Variants in AUTS2 observed in about 807,000 individuals in gnomAD.
AUTS2 encodes the protein autism susceptibility gene 2 protein.
A neutral mutation model predicts 112.4 loss-of-function variants in AUTS2; 17 were observed. The observed-to-expected ratio is 0.15, with a 90% CI of 0.10 to 0.23. AUTS2 has a LOEUF of 0.23. Among genes scored for constraint, AUTS2 ranks in the 10% least tolerant of loss-of-function variants. The pLI, the probability that AUTS2 is intolerant of heterozygous loss-of-function variation, is 1.00. For missense variants in AUTS2, 1,510 were observed against 1,701.6 expected (o/e 0.89, Z 1.98); for synonymous variants, 751 against 702.7 (o/e 1.07, Z -1.09).
intron 2 of AUTS2, among the ~76,000 whole-genome samples, chr7:70,072,155 T>G (rs1802802597): frequency 6.6e-6 from 1 of 152,224 alleles, no homozygotes; most frequent in Non-Finnish European, 1.5e-5. Context: ...TCTTTTCTTC[T>G]TTTCCTGTCT....
intron 12 of AUTS2, chr7:70,774,405 G>A: frequency 2.9e-6 from 1 of 342,318 alleles, no homozygotes; most frequent in Non-Finnish European, 5.3e-6. Flanking sequence ...TTCTCTGTCT[G>A]TATCTCCTTA....
At chr7:70,480,906 G>A (rs1260356620) in intron 5 of AUTS2, among the ~76,000 whole-genome samples, 1 of 152,218 alleles carries the variant, frequency 6.6e-6, no homozygotes, top group African/African-American at 2.4e-5. Context: ...CTCAGCTGGG[G>A]CAGGGAGTAG....
chr7:69,607,419 G>A (rs760944193), intron 1 of AUTS2, among the ~76,000 whole-genome samples: 1 of 152,074 alleles, frequency 6.6e-6, no homozygotes, highest in African/African-American at 2.4e-5. Context: ...AAAAGGTAAT[G>A]CATTTAGGAC....
intron 5 of AUTS2, among the ~76,000 whole-genome samples, chr7:70,646,968 A>G (rs76974091): frequency 6.6e-6 from 1 of 152,130 alleles, no homozygotes; most frequent in Non-Finnish European, 1.5e-5. Context: ...AGCAGTTTCA[A>G]ACTCAGGGCT....
chr7:69,730,018 T>TTTTG (rs2129228808), intron 1 of AUTS2, among the ~76,000 whole-genome samples: 1 of 146,136 alleles, frequency 6.8e-6, no homozygotes, highest in South Asian at 2.2e-4. Context: ...TTTTTTTTTT[T>TTTTG]TAGAAACTAG....
intron 1 of AUTS2, among the ~76,000 whole-genome samples, chr7:69,667,114 G>A (rs1425978635): frequency 6.6e-6 from 1 of 152,104 alleles, no homozygotes; most frequent in Non-Finnish European, 1.5e-5. Flanking sequence ...GTGGCACAGG[G>A]CATCATGTGC....
At chr7:70,455,581 G>T (rs910828716) in intron 5 of AUTS2, among the ~76,000 whole-genome samples, 1 of 152,156 alleles carries the variant, frequency 6.6e-6, no homozygotes, top group Non-Finnish European at 1.5e-5. Context: ...CACTCAGAGT[G>T]CTGTGCTCAG....
intron 1 of AUTS2, among the ~76,000 whole-genome samples, chr7:69,672,616 A>C (rs1796386766): frequency 6.6e-6 from 1 of 152,218 alleles, no homozygotes. Context: ...CGAGGAGAGG[A>C]TAAGCTACCT....
At chr7:70,209,285 T>G (rs1810734162) in intron 4 of AUTS2, among the ~76,000 whole-genome samples, 1 of 152,160 alleles carries the variant, frequency 6.6e-6, no homozygotes. Context: ...ATATCATGTG[T>G]AGGCATAGGG....
intron 1 of AUTS2, among the ~76,000 whole-genome samples, chr7:69,625,340 C>G: frequency 6.6e-6 from 1 of 152,138 alleles, no homozygotes; most frequent in East Asian, 1.9e-4. Context: ...AAGTTTCTTT[C>G]AAATGGCAGT....
intron 5 of AUTS2, among the ~76,000 whole-genome samples, chr7:70,572,252 G>A (rs1206669940): frequency 2.0e-5 from 3 of 152,246 alleles, no homozygotes; most frequent in East Asian, 1.9e-4. Flanking sequence ...AGATGCAGAC[G>A]AGGTGGGAGG....
intron 4 of AUTS2, among the ~76,000 whole-genome samples, chr7:70,234,237 C>A (rs1212679187): frequency 6.6e-6 from 1 of 151,834 alleles, no homozygotes; most frequent in Non-Finnish European, 1.5e-5. Context: ...TTATTTAGAC[C>A]CCAGTATGGA....
At chr7:69,910,690 G>A (rs369061206) in intron 2 of AUTS2, among the ~76,000 whole-genome samples, 1 of 152,106 alleles carries the variant, frequency 6.6e-6, no homozygotes, top group African/African-American at 2.4e-5. Flanking sequence ...GTGTAGTGGT[G>A]TGATCTCAGC....
chr7:69,724,597 T>C (rs775609487), intron 1 of AUTS2, among the ~76,000 whole-genome samples: 10 of 152,196 alleles, frequency 6.6e-5, no homozygotes, highest in Non-Finnish European at 1.5e-4. Flanking sequence ...GGTTACAGAA[T>C]TGGTTAACTT....
chr7:70,555,777 T>G (rs577006491), intron 5 of AUTS2, among the ~76,000 whole-genome samples: 24 of 151,692 alleles, frequency 1.6e-4, no homozygotes, highest in African/African-American at 5.6e-4. Context: ...CACTGGTATC[T>G]GCTTGGCTTC....
At chr7:70,590,744 T>G (rs1168019402) in intron 5 of AUTS2, among the ~76,000 whole-genome samples, 1 of 152,162 alleles carries the variant, frequency 6.6e-6, no homozygotes, top group Non-Finnish European at 1.5e-5. Flanking sequence ...ACAGTCTGAG[T>G]TGTCAACAAA....
At chr7:69,634,549 A>G (rs910498711) in intron 1 of AUTS2, among the ~76,000 whole-genome samples, 3 of 152,222 alleles carry the variant, frequency 2.0e-5, no homozygotes, top group African/African-American at 7.2e-5. Context: ...GTGGCTGTCA[A>G]CAGTTATCTT....
At chr7:69,769,184 T>G (rs1788556461) in intron 1 of AUTS2, among the ~76,000 whole-genome samples, 1 of 152,240 alleles carries the variant, frequency 6.6e-6, no homozygotes, top group Non-Finnish European at 1.5e-5. Context: ...CTGACATAGC[T>G]GGATAAACCA....
chr7:70,001,861 C>A (rs1327602021), intron 2 of AUTS2, among the ~76,000 whole-genome samples: 1 of 152,022 alleles, frequency 6.6e-6, no homozygotes, highest in African/African-American at 2.4e-5. Flanking sequence ...CAAGCACGCA[C>A]CACCACGCCT....
Sources: allele counts gnomAD v4.1 joint callset (sites outside exome capture counted in the v4.1 genomes callset), GRCh38; gene constraint gnomAD v4.1.1; transcripts MANE v1.5; gene names NCBI Gene and HGNC (gene_info 2026-07-23, HGNC 2026-07-21).